The following DSG2 variants were observed in gnomAD, a reference collection of about 807,000 sequenced individuals.
DSG2 encodes desmoglein 2, also known as desmoglein-2.
DSG2 carries 45 observed loss-of-function variants against 75.6 expected under a neutral mutation model. The ratio of observed to expected loss-of-function variants is 0.60; its 90% CI spans 0.47 to 0.76. DSG2 has a LOEUF of 0.76. Ranked by LOEUF, DSG2 falls within the 30% of genes least tolerant of loss-of-function variation. The pLI is 0.00. For synonymous variants in DSG2, 429 were observed against 483.9 expected, an observed-to-expected ratio of 0.89 and a Z score of 1.49; for missense variants, 1,267 against 1,357.4, an observed-to-expected ratio of 0.93 and a Z score of 1.05.
intron 1 of DSG2, among the ~76,000 whole-genome samples, chr18:31,512,066 C>T (rs1201277625): frequency 2.0e-5 from 3 of 151,936 alleles, no homozygotes; most frequent in Non-Finnish European, 4.4e-5. Context: ...TGATGACTCC[C>T]AAATTTTTAT....
At chr18:31,545,563 C>A (rs954969652) in intron 14 of DSG2, among the ~76,000 whole-genome samples, 158 bp from the exon 15 acceptor site, 1 of 152,006 alleles carries the variant, frequency 6.6e-6, no homozygotes, top group Admixed American at 6.6e-5. Flanking sequence ...CCAGTTGTGT[C>A]GTAGGATCTC....
intron 14 of DSG2, 121 bp downstream of exon 14, chr18:31,542,973 T>C: frequency 1.1e-6 from 1 of 885,920 alleles, no homozygotes; most frequent in East Asian, 2.8e-5. Flanking sequence ...TTTTTTTTTT[T>C]CTTTTTTCAG....
Position 31,526,614 on chromosome 18 carries a change from G to A in DSG2, c.1014+1726G>A, listed in dbSNP as rs530689627. Among the ~76,000 whole-genome samples, 4 of 152,260 alleles carry A rather than the reference G, an allele frequency of 2.6e-5. No individual in the cohort carries two copies. In the South Asian group the frequency reaches 6.2e-4, roughly 24 times the overall value. ...GCCATCAATTTATAGGTATGACCAC[G>A]CCAGATACCTGAGATAGAAAAGCCA... On this transcript the variant is annotated intron_variant, in intron 8 of 14. Transcript: ENST00000261590.
Position 31,536,322 on chromosome 18 carries a change from T to C in DSG2, c.1544T>C (p.Val515Ala). 3 of 1,614,232 alleles carry C rather than the reference T, an allele frequency of 1.9e-6. No individual in the cohort carries two copies. The highest frequency in any genetic ancestry group is 2.5e-6 in the Non-Finnish European group (3 of 1,180,050). ...TGTCACGATGCAGAGTATGTGAATG[T>C]TACTGCAGAGGACCTGGATGGACAC... Reference protein sequence around the residue: ...TICHDAEYVNVTAEDLDGHPN... With the variant: ...TICHDAEYVNATAEDLDGHPN... Residue 515 changes from valine to alanine, a missense_variant, in exon 11 of 15, where the codon GTT becomes GCT. Transcript: ENST00000261590.
intron 6 of DSG2, among the ~76,000 whole-genome samples, chr18:31,524,157 T>C (rs994356541): frequency 1.3e-5 from 2 of 152,218 alleles, no homozygotes; most frequent in African/African-American, 4.8e-5. Context: ...TCACTTTCAG[T>C]AGAGAATAAG....
chr18:31,535,554 G>A, intron 10 of DSG2, 142 bp downstream of exon 10: 1 of 705,444 alleles, frequency 1.4e-6, no homozygotes, highest in Non-Finnish European at 2.4e-6. Context: ...CCAGCACTTT[G>A]GGAGGCCAAG....
intron 9 of DSG2, among the ~76,000 whole-genome samples, chr18:31,534,739 A>C (rs2073218780): frequency 6.6e-6 from 1 of 151,930 alleles, no homozygotes; most frequent in African/African-American, 2.4e-5. Context: ...CAAACTCCTG[A>C]CCTTAAGTGA....
intron 1 of DSG2, among the ~76,000 whole-genome samples, chr18:31,499,356 T>TCG (rs1296830235): frequency 2.4e-5 from 2 of 84,662 alleles, no homozygotes; most frequent in Non-Finnish European, 4.6e-5. Flanking sequence ...TGGAAGAAAA[T>TCG]CGTGTGTGTG....
intron 8 of DSG2, among the ~76,000 whole-genome samples, chr18:31,529,140 C>A (rs1598815449): frequency 6.6e-6 from 1 of 152,220 alleles, no homozygotes; most frequent in East Asian, 1.9e-4. Flanking sequence ...AACTTACAAT[C>A]TTTAATGTTA....
chr18:31,541,329 T>A lies in DSG2; in HGVS notation c.2001+15T>A. On this transcript the variant is annotated intron_variant, in intron 13 of 14. Transcript: ENST00000261590. ...CTGAAGACAAGGTCAGTGGATCAGA[T>A]GTCAATATGACTTGTCTTCTTCTTG... The A allele has an allele frequency of 6.2e-7, 1 of 1,613,862 alleles. No homozygotes were observed. The highest frequency in any genetic ancestry group is 8.5e-7 in the Non-Finnish European group (1 of 1,179,876).
rs998257882 is a variant in DSG2 at position 31,524,772 on chromosome 18, G to A, written c.898G>A (p.Glu300Lys). Reference protein sequence around the residue: ...VTRIKVFDADEIGSDNWLANF... With the variant: ...VTRIKVFDADKIGSDNWLANF... ...GCGCATAAAAGTGTTCGATGCAGATGAAATAGGTTCTGATAATTGGCTGGC... is the reference window on the plus strand; with the variant it reads ...GCGCATAAAAGTGTTCGATGCAGATAAAATAGGTTCTGATAATTGGCTGGC... Residue 300 changes from glutamate to lysine, a missense_variant, in exon 8 of 15, where the codon GAA becomes AAA. Coordinates refer to ENST00000261590, the MANE Select transcript of DSG2 (RefSeq NM_001943.5). 3 of 1,614,062 alleles carry A rather than the reference G, an allele frequency of 1.9e-6. No homozygotes were observed. In the African/African-American group the frequency reaches 4.0e-5, roughly 22 times the overall value.
At chr18:31,505,819 G>A (rs898978693) in intron 1 of DSG2, among the ~76,000 whole-genome samples, 5 of 151,752 alleles carry the variant, frequency 3.3e-5, no homozygotes, top group Admixed American at 1.3e-4. Context: ...ACGCCACCAC[G>A]CCCATCTAAT....
At chr18:31,528,450 G>A (rs1007773035) in intron 8 of DSG2, among the ~76,000 whole-genome samples, 22 of 152,034 alleles carry the variant, frequency 1.4e-4, no homozygotes, top group African/African-American at 3.9e-4. Flanking sequence ...GGTGGCTCCC[G>A]CCTGTAATCC....
chr18:31,537,872 G>A (rs891410819), intron 11 of DSG2, among the ~76,000 whole-genome samples: 2 of 150,476 alleles, frequency 1.3e-5, no homozygotes, highest in Non-Finnish European at 1.5e-5. Flanking sequence ...GCATGGTGGT[G>A]GGCACCTGTA....
chr18:31,517,784 T>G (rs760155998), intron 1 of DSG2, among the ~76,000 whole-genome samples: 5 of 151,950 alleles, frequency 3.3e-5, no homozygotes, highest in Non-Finnish European at 7.4e-5. Flanking sequence ...ACATGGGCTG[T>G]CCGTGTGTGT....
intron 1 of DSG2, among the ~76,000 whole-genome samples, chr18:31,510,193 G>A (rs999699183): frequency 2.0e-5 from 3 of 152,226 alleles, no homozygotes; most frequent in Non-Finnish European, 4.4e-5. Flanking sequence ...AAGATAGTCC[G>A]TTGAGCACAC....
chr18:31,498,403 G>T, intron 1 of DSG2, 107 bp downstream of exon 1: 8 of 1,169,948 alleles, frequency 6.8e-6, no homozygotes, highest in Non-Finnish European at 8.6e-6. Flanking sequence ...CGCGTTACCT[G>T]CCCGGCGCTC....
chr18:31,524,839 A>G lies in DSG2; in HGVS notation c.965A>G (p.His322Arg), dbSNP rs1022226226. ...TCAGGAAATGAAGGAGGTTATTTCC[A>G]CATAGAAACAGATGCTCAAACTAAC... ...FASGNEGGYF[H>R]IETDAQTNEG... is the part of the protein sequence containing the mutation. Residue 322 changes from histidine to arginine, a missense_variant, in exon 8 of 15, where the codon CAC becomes CGC. His to Arg is a conservative substitution (Grantham distance 29, BLOSUM62 0). Coordinates refer to ENST00000261590, the MANE Select transcript of DSG2 (RefSeq NM_001943.5). The G allele has an allele frequency of 3.1e-6, 5 of 1,614,080 alleles. No homozygotes were observed. The highest frequency in any genetic ancestry group is 3.3e-5 in the Admixed American group (2 of 60,004).
chr18:31,546,144 G>A lies in DSG2; in HGVS notation c.2758G>A (p.Val920Ile), dbSNP rs547741894. The change falls in exon 15 of 15, where the codon GTA (valine) becomes ATA (isoleucine). Residue 920 changes from valine to isoleucine, a missense_variant. Coordinates refer to ENST00000261590, the MANE Select transcript of DSG2 (RefSeq NM_001943.5). Reference protein sequence around the residue: ...RSVSSRQAQKVATPLPDPMAS... With the variant: ...RSVSSRQAQKIATPLPDPMAS... ...TGTGTCTTCTAGGCAGGCGCAAAAG[G>A]TAGCTACACCTCTTCCTGACCCAAT... 12 of 1,614,150 alleles carry A rather than the reference G, an allele frequency of 7.4e-6. No individual in the cohort carries two copies. In the South Asian group the frequency reaches 1.2e-4, roughly 16 times the overall value.
Sources: allele counts gnomAD v4.1 joint callset (sites outside exome capture counted in the v4.1 genomes callset), GRCh38; gene constraint gnomAD v4.1.1; transcripts MANE v1.5; gene names NCBI Gene and HGNC (gene_info 2026-07-23, HGNC 2026-07-21).